The following NLGN1 variants were observed in gnomAD, a reference collection of about 807,000 sequenced individuals.
The protein encoded by NLGN1 is neuroligin 1, also known as neuroligin-1.
A neutral mutation model predicts 65.5 loss-of-function variants in NLGN1; 12 were observed. The observed-to-expected ratio is 0.18, with a 90% confidence interval of 0.12 to 0.30. The LOEUF (loss-of-function observed/expected upper bound fraction) is 0.30, where lower values mean the gene tolerates loss of function less well. NLGN1 is among the 10% of genes least tolerant of loss of function. The pLI is 1.00. For missense variants in NLGN1, 750 were observed against 1,007.1 expected (o/e 0.74, Z 3.46); for synonymous variants, 350 against 359.5 (o/e 0.97, Z 0.30).
chr3:174,062,074 CTTTTTCTGTAGAA>C (rs1305011900), intron 4 of NLGN1, among the ~76,000 whole-genome samples: 2 of 151,966 alleles, frequency 1.3e-5, no homozygotes, highest in Non-Finnish European at 2.9e-5. Context: ...TGTAAGAAAG[CTTTTTCTGTAGAA>C]GGATAAAAGT....
chr3:174,035,934 A>G (rs529373411), intron 4 of NLGN1, among the ~76,000 whole-genome samples: 101 of 152,206 alleles, frequency 6.6e-4, no homozygotes, highest in African/African-American at 2.3e-3. Context: ...CTTCTGCACG[A>G]CCAACCTTAT....
intron 4 of NLGN1, among the ~76,000 whole-genome samples, chr3:173,897,814 T>C (rs965450750): frequency 6.6e-6 from 1 of 152,182 alleles, no homozygotes; most frequent in Non-Finnish European, 1.5e-5. Flanking sequence ...CTCCTTGTCA[T>C]GAACATCTAC....
chr3:174,232,717 T>C (rs1054495409), intron 4 of NLGN1, among the ~76,000 whole-genome samples: 3 of 152,148 alleles, frequency 2.0e-5, no homozygotes, highest in Non-Finnish European at 2.9e-5. Flanking sequence ...TTAAGTTTAA[T>C]GGCAAGACAG....
chr3:173,960,166 A>G (rs1350025434), intron 4 of NLGN1, among the ~76,000 whole-genome samples: 1 of 152,010 alleles, frequency 6.6e-6, no homozygotes, highest in Non-Finnish European at 1.5e-5. Context: ...AATAATCTCC[A>G]CTGACTTTTC....
chr3:173,946,061 CT>C (rs950585357), intron 4 of NLGN1, among the ~76,000 whole-genome samples: 2 of 152,202 alleles, frequency 1.3e-5, no homozygotes, highest in African/African-American at 4.8e-5. Flanking sequence ...ATGTCATCAG[CT>C]TTTTCCTCAC....
intron 3 of NLGN1, among the ~76,000 whole-genome samples, chr3:173,764,431 G>C (rs1363502712): frequency 1.3e-5 from 2 of 152,140 alleles, no homozygotes; most frequent in African/African-American, 4.8e-5. Context: ...CATTAAGCAA[G>C]ATAGAAGCAG....
At chr3:173,800,359 T>C in intron 3 of NLGN1, 2 of 1,179,136 alleles carry the variant, frequency 1.7e-6, no homozygotes, top group African/African-American at 1.6e-5. Flanking sequence ...GAAGGTATTT[T>C]TTTTCACCAA....
At chr3:173,509,986 G>A (rs776392151) in intron 2 of NLGN1, among the ~76,000 whole-genome samples, 1 of 152,292 alleles carries the variant, frequency 6.6e-6, no homozygotes, top group East Asian at 1.9e-4. Context: ...GTATGCTTCA[G>A]TGCACAGAAC....
At chr3:173,460,448 C>T (rs553803226) in intron 2 of NLGN1, among the ~76,000 whole-genome samples, 33 of 152,064 alleles carry the variant, frequency 2.2e-4, no homozygotes, top group African/African-American at 3.9e-4. Context: ...AACTTGGCAT[C>T]GCTTCTTCCC....
chr3:173,993,999 T>A (rs916536148), intron 4 of NLGN1, among the ~76,000 whole-genome samples: 2 of 152,126 alleles, frequency 1.3e-5, no homozygotes, highest in Non-Finnish European at 2.9e-5. Flanking sequence ...CATATTATCG[T>A]AAGTAAATAT....
intron 2 of NLGN1, among the ~76,000 whole-genome samples, chr3:173,590,296 C>A (rs1259748062): frequency 6.6e-6 from 1 of 152,108 alleles, no homozygotes; most frequent in East Asian, 1.9e-4. Context: ...GTTATCTATT[C>A]TTTTTCTTAT....
intron 2 of NLGN1, among the ~76,000 whole-genome samples, chr3:173,574,474 C>G (rs1240641239): frequency 6.6e-6 from 1 of 151,800 alleles, no homozygotes; most frequent in Admixed American, 6.6e-5. Context: ...TTAAATTAAA[C>G]TCTTTATTAG....
intron 4 of NLGN1, among the ~76,000 whole-genome samples, chr3:174,159,143 C>T (rs1021731893): frequency 1.3e-5 from 2 of 151,698 alleles, no homozygotes; most frequent in African/African-American, 4.8e-5. Context: ...AAAATACATT[C>T]ACCAGCTCCC....
chr3:174,257,349 A>T (rs1745986028), intron 4 of NLGN1, among the ~76,000 whole-genome samples: 1 of 152,154 alleles, frequency 6.6e-6, no homozygotes, highest in African/African-American at 2.4e-5. Flanking sequence ...AGAATGTGGC[A>T]ATTCCTCAAA....
At chr3:173,939,134 A>C (rs1579300122) in intron 4 of NLGN1, among the ~76,000 whole-genome samples, 1 of 152,236 alleles carries the variant, frequency 6.6e-6, no homozygotes, top group Non-Finnish European at 1.5e-5. Flanking sequence ...TCCAAAAATC[A>C]ATTAATGTAC....
At chr3:173,751,251 T>C (rs759282974) in intron 3 of NLGN1, among the ~76,000 whole-genome samples, 11 of 152,062 alleles carry the variant, frequency 7.2e-5, no homozygotes, top group African/African-American at 1.2e-4. Context: ...ATAACTGATA[T>C]AATCCAGTTT....
chr3:173,825,359 T>G (rs527528757), intron 4 of NLGN1, among the ~76,000 whole-genome samples: 2 of 139,740 alleles, frequency 1.4e-5, no homozygotes, highest in South Asian at 2.3e-4. Flanking sequence ...AATACCTTTT[T>G]GCATATTTAA....
At chr3:173,733,370 A>G (rs900853723) in intron 3 of NLGN1, among the ~76,000 whole-genome samples, 1 of 147,348 alleles carries the variant, frequency 6.8e-6, no homozygotes, top group Admixed American at 6.7e-5. Context: ...CTTCTGAATT[A>G]TCACTGGAAT....
intron 2 of NLGN1, among the ~76,000 whole-genome samples, chr3:173,540,854 ATATT>A (rs1738745342): frequency 6.6e-6 from 1 of 152,168 alleles, no homozygotes; most frequent in Admixed American, 6.5e-5. Context: ...ATCAACTTAT[ATATT>A]ATGTATCTAT....
Sources: gnomAD v4.1 joint callset for allele counts (sites outside exome capture counted in the v4.1 genomes callset) on GRCh38, gnomAD v4.1.1 for gene constraint, MANE v1.5 for transcripts, NCBI Gene and HGNC (gene_info 2026-07-23, HGNC 2026-07-21) for gene names.